Variants in ABCC4 observed in about 807,000 individuals in gnomAD.
The protein encoded by ABCC4 is ATP-binding cassette sub-family C member 4.
A neutral mutation model predicts 168.5 loss-of-function variants in ABCC4; 102 were observed. The ratio of observed to expected loss-of-function variants is 0.61; its 90% CI spans 0.52 to 0.71. ABCC4 has a LOEUF of 0.71. Ranked by LOEUF, ABCC4 falls within the 30% of genes least tolerant of loss-of-function variation. The pLI, the probability that ABCC4 is intolerant of heterozygous loss-of-function variation, is 0.00. For missense variants in ABCC4, 1,402 were observed against 1,605.8 expected, an observed-to-expected ratio of 0.87 and a Z score of 2.17; for synonymous variants, 617 against 590.7, an observed-to-expected ratio of 1.04 and a Z score of -0.65.
At chr13:95,044,085 T>A (rs2032475606) in intron 28 of ABCC4, among the ~76,000 whole-genome samples, 181 bp downstream of exon 28, 1 of 152,198 alleles carries the variant, frequency 6.6e-6, no homozygotes, top group Non-Finnish European at 1.5e-5. Context: ...CTGAATAATA[T>A]CTCTGACACT....
intron 19 of ABCC4, among the ~76,000 whole-genome samples, chr13:95,154,284 T>C (rs967328587): frequency 6.6e-6 from 1 of 152,144 alleles, no homozygotes; most frequent in African/African-American, 2.4e-5. Context: ...AATGTACATA[T>C]AAATGTGTTC....
chr13:95,285,984 C>T (rs944746758), intron 1 of ABCC4, among the ~76,000 whole-genome samples: 1 of 152,156 alleles, frequency 6.6e-6, no homozygotes, highest in African/African-American at 2.4e-5. Flanking sequence ...CTCTTCCCTA[C>T]GTGCAGATAA....
intron 30 of ABCC4, 132 bp from the exon 31 acceptor site, chr13:95,021,814 A>T (rs968571324): frequency 9.1e-6 from 6 of 662,254 alleles, no homozygotes; most frequent in South Asian, 1.9e-5. Context: ...CAATTTAAGA[A>T]CAGGGATGAA....
At chr13:95,281,878 G>A (rs1338083099) in intron 1 of ABCC4, among the ~76,000 whole-genome samples, 1 of 152,124 alleles carries the variant, frequency 6.6e-6, no homozygotes, top group Admixed American at 6.5e-5. Flanking sequence ...AGGCCAAGGA[G>A]GGCAGATCAC....
chr13:95,079,918 G>A (rs1323255808), intron 21 of ABCC4, among the ~76,000 whole-genome samples: 1 of 152,208 alleles, frequency 6.6e-6, no homozygotes, highest in Non-Finnish European at 1.5e-5. Flanking sequence ...CTTGGGCATG[G>A]ACTCATATCT....
chr13:95,156,891 G>A (rs944513894), intron 19 of ABCC4, among the ~76,000 whole-genome samples: 2 of 152,032 alleles, frequency 1.3e-5, no homozygotes, highest in Non-Finnish European at 2.9e-5. Flanking sequence ...TCAAGAGTTC[G>A]AGATCAGCTT....
At chr13:95,281,136 C>G (rs189116173) in intron 1 of ABCC4, among the ~76,000 whole-genome samples, 1 of 151,326 alleles carries the variant, frequency 6.6e-6, no homozygotes, top group East Asian at 1.9e-4. Context: ...ATGGTGAAAC[C>G]CCATCTCTAC....
At chr13:95,169,989 T>C (rs1183138256) in intron 14 of ABCC4, among the ~76,000 whole-genome samples, 2 of 152,204 alleles carry the variant, frequency 1.3e-5, no homozygotes, top group Non-Finnish European at 2.9e-5. Flanking sequence ...CCTGAGTAGC[T>C]GGGACTACAA....
intron 1 of ABCC4, among the ~76,000 whole-genome samples, chr13:95,299,280 A>AG: frequency 6.6e-6 from 1 of 150,998 alleles, no homozygotes; most frequent in East Asian, 1.9e-4. Context: ...AAAAAAAAAA[A>AG]AAAAGTTCCT....
chr13:95,045,669 T>C (rs1412407758), intron 27 of ABCC4, among the ~76,000 whole-genome samples: 1 of 152,150 alleles, frequency 6.6e-6, no homozygotes, highest in Non-Finnish European at 1.5e-5. Context: ...GATGTTTGTT[T>C]TGGAGAAATT....
At chr13:95,044,478 C>T in intron 27 of ABCC4, 40 bp from the exon 28 acceptor site, 1 of 1,561,266 alleles carries the variant, frequency 6.4e-7, no homozygotes, top group Non-Finnish European at 8.7e-7. Context: ...ATCATTCAAG[C>T]CGCTATGGAA....
At chr13:95,143,664 C>T (rs1314932521) in intron 19 of ABCC4, among the ~76,000 whole-genome samples, 2 of 152,198 alleles carry the variant, frequency 1.3e-5, no homozygotes, top group African/African-American at 4.8e-5. Context: ...TATGGTAGCA[C>T]CATTCCACAG....
At chr13:95,086,960 T>G (rs552798308) in intron 20 of ABCC4, among the ~76,000 whole-genome samples, 2 of 152,280 alleles carry the variant, frequency 1.3e-5, no homozygotes, top group African/African-American at 4.8e-5. Context: ...ACTGAAGAAT[T>G]GTGTTCTAAG....
intron 21 of ABCC4, among the ~76,000 whole-genome samples, chr13:95,078,043 C>T (rs1041529617): frequency 4.6e-5 from 7 of 152,162 alleles, no homozygotes; most frequent in African/African-American, 9.7e-5. Flanking sequence ...GGGGCTCTTT[C>T]CTGACTGATA....
At chr13:95,137,456 G>A (rs1211562222) in intron 19 of ABCC4, among the ~76,000 whole-genome samples, 1 of 152,096 alleles carries the variant, frequency 6.6e-6, no homozygotes, top group African/African-American at 2.4e-5. Context: ...AAATAATATA[G>A]AAAATGAAAC....
intron 25 of ABCC4, among the ~76,000 whole-genome samples, chr13:95,071,340 A>G (rs1440898814): frequency 1.3e-5 from 2 of 152,210 alleles, no homozygotes; most frequent in African/African-American, 4.8e-5. Context: ...AATGCAACAA[A>G]GTAAAAATCG....
At chr13:95,189,342 C>T (rs1209026972) in intron 9 of ABCC4, among the ~76,000 whole-genome samples, 3 of 151,544 alleles carry the variant, frequency 2.0e-5, no homozygotes, top group Non-Finnish European at 4.4e-5. Flanking sequence ...ACCGTGGTCT[C>T]GATCTCCTGA....
At chr13:95,077,019 C>T (rs1018335786) in intron 21 of ABCC4, among the ~76,000 whole-genome samples, 7 of 152,174 alleles carry the variant, frequency 4.6e-5, no homozygotes, top group Admixed American at 1.3e-4. Context: ...CCATTTCCAG[C>T]AGGCCACTGT....
intron 19 of ABCC4, among the ~76,000 whole-genome samples, chr13:95,150,219 C>T (rs1229028911): frequency 2.0e-5 from 3 of 152,266 alleles, no homozygotes; most frequent in South Asian, 2.1e-4. Flanking sequence ...CTGCCTGAGC[C>T]TCCCAAGTAG....
Sources: gnomAD v4.1 joint callset for allele counts (sites outside exome capture counted in the v4.1 genomes callset) on GRCh38, gnomAD v4.1.1 for gene constraint, MANE v1.5 for transcripts, NCBI Gene and HGNC (gene_info 2026-07-23, HGNC 2026-07-21) for gene names.